The following LNX1 variants were observed in gnomAD, a reference collection of about 807,000 sequenced individuals.
LNX1 encodes the protein E3 ubiquitin-protein ligase LNX.
LNX1 carries 54 observed loss-of-function variants against 68.4 expected under a neutral mutation model. That is an observed-to-expected ratio of 0.79 (90% CI 0.63 to 0.99). LNX1 has a LOEUF of 0.99. Among genes scored for constraint, LNX1 ranks in the 50% least tolerant of loss-of-function variants. The pLI is 0.00. For synonymous variants in LNX1, 336 were observed against 350.0 expected (o/e 0.96, Z 0.45); for missense variants, 906 against 926.4 (o/e 0.98, Z 0.29).
At chr4:53,463,701 A>ATGGT (rs1340822966) in intron 9 of LNX1, among the ~76,000 whole-genome samples, 4 of 152,160 alleles carry the variant, frequency 2.6e-5, no homozygotes, top group Non-Finnish European at 5.9e-5. Flanking sequence ...TGAGAAAATT[A>ATGGT]TGGTTACCTC....
rs75114615 is a variant in LNX1, at chr4:53,525,675, G to C, written c.381-17448C>G. On this transcript the variant is annotated intron_variant, in intron 2 of 10. Transcript: ENST00000263925. ...CCACAATTACTTTTGCACCAACCTA[G>C]TAACTTGAGGGTTCAAAACTGCTTA... 7.8e-3 allele frequency among the ~76,000 whole-genome samples: 1,192 copies of C among 152,332 alleles called. 14 individuals carry two copies. The highest frequency in any genetic ancestry group is 0.026 in the African/African-American group (1,100 of 41,572).
intron 2 of LNX1, among the ~76,000 whole-genome samples, chr4:53,510,479 T>G (rs1726249330): frequency 6.6e-6 from 1 of 152,256 alleles, no homozygotes; most frequent in African/African-American, 2.4e-5. Flanking sequence ...GTGCTTGTCC[T>G]CAGCTGGAAG....
Position 53,563,160 on chromosome 4 carries a change from C to T in LNX1, c.380+10463G>A, listed in dbSNP as rs141708035. Reference sequence around the variant, plus strand: ...GGCAGAGCTTGCAGTGAGCTGAGATCGTGCCAGCCTGGGCGACAGAGTGAG... The same window carrying T: ...GGCAGAGCTTGCAGTGAGCTGAGATTGTGCCAGCCTGGGCGACAGAGTGAG... On this transcript the variant is annotated intron_variant, in intron 2 of 10. Transcript: ENST00000263925. Among the ~76,000 whole-genome samples, 537 of 152,140 alleles carry T rather than the reference C, an allele frequency of 3.5e-3. 1 individual carries two copies. Among genetic ancestry groups the T allele is most frequent in the African/African-American group, 0.012 (517 of 41,486 alleles).
intron 2 of LNX1, among the ~76,000 whole-genome samples, chr4:53,609,162 G>A (rs1733367173): frequency 6.6e-6 from 1 of 152,104 alleles, no homozygotes; most frequent in Middle Eastern, 3.4e-3. Flanking sequence ...ATGGGGAAAG[G>A]ACTCCCGATG....
intron 5 of LNX1, among the ~76,000 whole-genome samples, chr4:53,498,325 T>A (rs1425926275): frequency 6.6e-6 from 1 of 150,640 alleles, no homozygotes; most frequent in Non-Finnish European, 1.5e-5. Flanking sequence ...AAAGAGGAGG[T>A]GGAGAAAGGG....
At chr4:53,595,953 A>G (rs1292704501), upstream of LNX1, among the ~76,000 whole-genome samples, 1 of 117,088 alleles carries the variant, frequency 8.5e-6, no homozygotes, top group Non-Finnish European at 1.7e-5. Context: ...ATTTGACTTT[A>G]ATAAAAGTCA....
rs147751410 is a variant in LNX1, at chr4:53,516,967, C to T, written c.381-8740G>A. Among the ~76,000 whole-genome samples, 105 of 152,310 alleles carry T rather than the reference C, an allele frequency of 6.9e-4. No individual in the cohort carries two copies. In the East Asian group the frequency reaches 0.012, roughly 17 times the overall value. On this transcript the variant is annotated intron_variant, in intron 2 of 10. Transcript: ENST00000263925. ...ATCCAAAGTGAACTGCTGCCCCTGC[C>T]TGCCAGTCACACTCTTTGGAAATTA... is the stretch of plus-strand genomic sequence containing the variant.
intron 2 of LNX1, among the ~76,000 whole-genome samples, chr4:53,600,524 G>T (rs905002891): frequency 3.3e-5 from 5 of 151,980 alleles, no homozygotes; most frequent in Admixed American, 1.3e-4. Flanking sequence ...TTAAATTAAA[G>T]AATACAAGAA....
chr4:53,528,846 A>G (rs1329525547), intron 2 of LNX1, among the ~76,000 whole-genome samples: 1 of 152,178 alleles, frequency 6.6e-6, no homozygotes, highest in East Asian at 1.9e-4. Context: ...CAGGACATCC[A>G]TAGCCAAAGG....
At chr4:53,494,244 T>C (rs1190356069) in intron 6 of LNX1, among the ~76,000 whole-genome samples, 1 of 152,188 alleles carries the variant, frequency 6.6e-6, no homozygotes, top group African/African-American at 2.4e-5. Flanking sequence ...CCCTTTTGCT[T>C]GACCCTCATT....
chr4:53,635,906 A>C (rs193174639), intron 1 of LNX1, among the ~76,000 whole-genome samples: 1 of 152,178 alleles, frequency 6.6e-6, no homozygotes, highest in Non-Finnish European at 1.5e-5. Flanking sequence ...CAAGCTGTAA[A>C]TATTTACTAA....
At chr4:53,471,860 G>A (rs1281994218) in intron 9 of LNX1, among the ~76,000 whole-genome samples, 1 of 152,200 alleles carries the variant, frequency 6.6e-6, no homozygotes, top group Non-Finnish European at 1.5e-5. Flanking sequence ...AGGATGTGGA[G>A]AAATAGAAAC....
intron 1 of LNX1, among the ~76,000 whole-genome samples, chr4:53,582,096 A>AGTAGGGAGAGT (rs1553940946): frequency 6.6e-6 from 1 of 151,666 alleles, no homozygotes; most frequent in Non-Finnish European, 1.5e-5. Flanking sequence ...TTAGAAACCT[A>AGTAGGGAGAGT]AGAATATCAA....
intron 2 of LNX1, among the ~76,000 whole-genome samples, chr4:53,565,189 G>A (rs1210562813): frequency 6.6e-6 from 1 of 152,120 alleles, no homozygotes; most frequent in Non-Finnish European, 1.5e-5. Context: ...TCCACCTCTG[G>A]GGGCAGGGCA....
intron 9 of LNX1, among the ~76,000 whole-genome samples, chr4:53,466,792 G>A (rs563545889): frequency 2.6e-5 from 4 of 152,218 alleles, no homozygotes; most frequent in Non-Finnish European, 2.9e-5. Flanking sequence ...AGGGGCGCCC[G>A]CCATTGCCCA....
At chr4:53,570,101 T>C (rs1731038498) in intron 2 of LNX1, among the ~76,000 whole-genome samples, 4 of 148,772 alleles carry the variant, frequency 2.7e-5, no homozygotes, top group Admixed American at 2.7e-4. Context: ...TGGAAGTCAG[T>C]GTGGCGATTC....
At chr4:53,511,584 G>A (rs1726343216) in intron 2 of LNX1, among the ~76,000 whole-genome samples, 1 of 152,178 alleles carries the variant, frequency 6.6e-6, no homozygotes, top group Non-Finnish European at 1.5e-5. Flanking sequence ...TTTCTTGGGA[G>A]ATCCTGAGCT....
chr4:53,620,222 A>G (rs1733817127), upstream of LNX1, among the ~76,000 whole-genome samples: 1 of 152,152 alleles, frequency 6.6e-6, no homozygotes, highest in Admixed American at 6.5e-5. Flanking sequence ...TCTACTCTCA[A>G]AATGTGGTCA....
upstream of LNX1, chr4:53,592,914 C>T (rs2099452): frequency 0.14 from 21,054 of 151,930 alleles, 1,535 homozygotes; most frequent in Non-Finnish European, 0.15. Flanking sequence ...CTCTGGTGCT[C>T]GACCTCAGGG....
Sources: allele counts gnomAD v4.1 joint callset (sites outside exome capture counted in the v4.1 genomes callset), GRCh38; gene constraint gnomAD v4.1.1; transcripts MANE v1.5; gene names NCBI Gene and HGNC (gene_info 2026-07-23, HGNC 2026-07-21).